Variants in KCNT1 observed in about 807,000 individuals in gnomAD.
The protein encoded by KCNT1 is potassium sodium-activated channel subfamily T member 1.
Under a neutral mutation model 147.8 loss-of-function variants are expected in KCNT1, and 78 were observed. The observed-to-expected ratio is 0.53, with a 90% confidence interval of 0.44 to 0.64. The LOEUF (loss-of-function observed/expected upper bound fraction) is 0.64. Among genes scored for constraint, KCNT1 ranks in the 30% least tolerant of loss-of-function variants. The pLI is 0.00. For synonymous variants in KCNT1, 867 were observed against 748.8 expected, an observed-to-expected ratio of 1.16 and a Z score of -2.58; for missense variants, 1,419 against 1,750.3, an observed-to-expected ratio of 0.81 and a Z score of 3.38.
At position 135,714,773 on chromosome 9, in the gene KCNT1, A is replaced by C. The variant is rs1207637058; in HGVS notation, c.254+53A>C. 4 of 1,167,068 alleles carry C rather than the reference A, an allele frequency of 3.4e-6. No homozygotes were observed. The East Asian group carries it at 1.7e-4, about 51-fold the overall frequency. The allele number at this position is 1,167,068 out of a possible 1,614,324, so 72.3% of individuals were successfully genotyped here. On this transcript the variant is annotated intron_variant, in intron 2 of 30. Transcript: ENST00000371757. The surrounding 1 kb of genome is among the most constrained non-coding windows in gnomAD (Gnocchi z 6.2). ...GGGGTCGCCGTCCCGGCGCCGCCGC[A>C]CGCCCGGAGCTGTCCGCGGTGCTGA... is the stretch of plus-strand genomic sequence containing the variant.
chr9:135,707,156 A>G (rs1835291378), intron 1 of KCNT1, among the ~76,000 whole-genome samples: 1 of 151,892 alleles, frequency 6.6e-6, no homozygotes, highest in African/African-American at 2.4e-5. Context: ...AAGATCAGAT[A>G]AGGCCCGGTG....
intron 22 of KCNT1, 87 bp from the exon 23 acceptor site, chr9:135,778,601 T>C (rs904585898): frequency 3.7e-6 from 6 of 1,602,054 alleles, no homozygotes; most frequent in Non-Finnish European, 5.1e-6. Flanking sequence ...GGGGCTGAGG[T>C]CCTCCTGCCT....
chr9:135,712,085 G>C (rs952070047), intron 1 of KCNT1, among the ~76,000 whole-genome samples: 16 of 152,202 alleles, frequency 1.1e-4, no homozygotes, highest in African/African-American at 3.6e-4. Context: ...TGGGCCTGCA[G>C]GGTGTGTGCT....
intron 2 of KCNT1, among the ~76,000 whole-genome samples, chr9:135,732,573 C>T (rs1193698647): frequency 1.3e-5 from 2 of 152,058 alleles, no homozygotes; most frequent in African/African-American, 2.4e-5. Flanking sequence ...TCTGTGGTCT[C>T]CCCCTCTGCC....
chr9:135,744,071 C>T (rs1450526345), intron 2 of KCNT1, among the ~76,000 whole-genome samples: 2 of 152,238 alleles, frequency 1.3e-5, no homozygotes, highest in Non-Finnish European at 2.9e-5. Flanking sequence ...CAGCCACTGC[C>T]AGAGAGAGGC....
At position 135,794,071 on chromosome 9, in the gene KCNT1, G is replaced by A. The variant is rs1392736098; in HGVS notation, c.*1910G>A. On this transcript the variant is annotated 3_prime_UTR_variant, in exon 31 of 31. Transcript: ENST00000371757. ...GGCTGCACAGCACCTGCAGGGAGGA[G>A]AAGGGAGAGAAAAGCCGGTCTGGCT... is the stretch of plus-strand genomic sequence containing the variant. 2.6e-5 allele frequency: 4 copies of A among 152,462 alleles called. No individual in the cohort carries two copies. Among genetic ancestry groups the A allele is most frequent in the African/African-American group, 9.6e-5 (4 of 41,478 alleles). The allele number at this position is 152,462 out of a possible 1,614,324, so 9.4% of individuals were successfully genotyped here.
In KCNT1 at chr9:135,775,971, AC is replaced by A. The variant is rs561761611; in HGVS notation, c.2349+558del. Among the ~76,000 whole-genome samples the A allele has an allele frequency of 5.9e-3, 881 of 150,484 alleles. 9 individuals carry two copies. Among genetic ancestry groups the A allele is most frequent in the African/African-American group, 0.02 (804 of 40,846 alleles). ...ACCTTAATATTTTTGCAGAGCAGGG[AC>A]CAGTGACCTGGTGGCAGGTGGGTCT... is the stretch of plus-strand genomic sequence containing the variant. On this transcript the variant is annotated intron_variant, in intron 20 of 30. Transcript: ENST00000371757.
intron 2 of KCNT1, among the ~76,000 whole-genome samples, chr9:135,731,941 A>G (rs1836449814): frequency 7.3e-6 from 1 of 137,430 alleles, no homozygotes. Flanking sequence ...ACATATCTAA[A>G]TACTTTTCAA....
In KCNT1 at chr9:135,765,803, CT is replaced by C. The variant is rs778115326; in HGVS notation, c.1337+44del. 13 of 1,527,744 alleles carry C rather than the reference CT, an allele frequency of 8.5e-6. No homozygotes were observed. The Admixed American group carries it at 2.3e-4, about 27-fold the overall frequency. The allele number at this position is 1,527,744 out of a possible 1,614,324, so 94.6% of individuals were successfully genotyped here. The stretch of plus-strand genomic sequence containing the variant: ...GAGGGGGTGGCATGGGGGCACCTTC[CT>C]GAGTCAGGTCGGCTGCTCAGGGCTG... On this transcript the variant is annotated intron_variant, in intron 13 of 30. Transcript: ENST00000371757.
chr9:135,729,277 A>G (rs1222128390), intron 2 of KCNT1, among the ~76,000 whole-genome samples: 2 of 152,226 alleles, frequency 1.3e-5, no homozygotes, highest in African/African-American at 2.4e-5. Context: ...AACTGAACAC[A>G]TCTGTACTTG....
intron 5 of KCNT1, among the ~76,000 whole-genome samples, chr9:135,754,809 G>C (rs752393867): frequency 6.6e-6 from 1 of 152,170 alleles, no homozygotes; most frequent in African/African-American, 2.4e-5. Flanking sequence ...GAGAAGCTTT[G>C]CCACCCTTGG....
intron 2 of KCNT1, among the ~76,000 whole-genome samples, chr9:135,728,514 C>A (rs1836308037): frequency 6.6e-6 from 1 of 152,356 alleles, no homozygotes; most frequent in East Asian, 1.9e-4. Flanking sequence ...TCAGGAGGCC[C>A]TGATTAGGTC....
chr9:135,721,147 G>A (rs1835907371), intron 2 of KCNT1, among the ~76,000 whole-genome samples: 1 of 152,138 alleles, frequency 6.6e-6, no homozygotes, highest in Non-Finnish European at 1.5e-5. Flanking sequence ...ACCCCCAGAA[G>A]GGGCTGAAGT....
At chr9:135,785,863 T>C (rs2131579786) in intron 28 of KCNT1, 1 of 454,616 alleles carries the variant, frequency 2.2e-6, no homozygotes, top group African/African-American at 2.0e-5. Context: ...TGTGCTGGGG[T>C]CCAGATGGGT....
intron 21 of KCNT1, among the ~76,000 whole-genome samples, chr9:135,777,912 C>CTCCTCCCTGCTCCCAGT (rs1833291467): frequency 1.3e-5 from 2 of 150,830 alleles, no homozygotes; most frequent in African/African-American, 2.5e-5. Flanking sequence ...TCACTCCCAG[C>CTCCTCCCTGCTCCCAGT]TCCTCCCTGC....
chr9:135,724,892 C>T (rs779651645), intron 2 of KCNT1, among the ~76,000 whole-genome samples: 4 of 152,226 alleles, frequency 2.6e-5, no homozygotes, highest in Non-Finnish European at 5.9e-5. Context: ...CCACTGGCTT[C>T]GAGGATGACC....
intron 1 of KCNT1, among the ~76,000 whole-genome samples, chr9:135,706,065 T>G (rs898430954): frequency 6.6e-6 from 1 of 152,132 alleles, no homozygotes; most frequent in East Asian, 1.9e-4. Context: ...GTCTGTGAGG[T>G]TGGTCCATCC....
At chr9:135,733,045 C>A (rs1830170056) in intron 2 of KCNT1, among the ~76,000 whole-genome samples, 1 of 151,984 alleles carries the variant, frequency 6.6e-6, no homozygotes, top group Non-Finnish European at 1.5e-5. Context: ...ACCGCCTGTA[C>A]CTCCTCTGTG....
Position 135,770,253 on chromosome 9 carries a change from C to T in KCNT1, c.1620-45C>T, listed in dbSNP as rs189780337. 8,375 of 1,551,364 alleles carry T rather than the reference C, an allele frequency of 5.4e-3. 69 individuals are homozygous for T. The highest frequency in any genetic ancestry group is 0.034 in the Admixed American group (1,824 of 54,432). Reference sequence around the variant, plus strand: ...AGACCCAGCCGGGGAGAAGGGGCAGCCATGGCCGAGGGTGACGCTCCCCTG... The same window carrying T: ...AGACCCAGCCGGGGAGAAGGGGCAGTCATGGCCGAGGGTGACGCTCCCCTG... On this transcript the variant is annotated intron_variant, in intron 16 of 30. Coordinates refer to ENST00000371757, the MANE Select transcript of KCNT1 (RefSeq NM_020822.3).
Sources: allele counts gnomAD v4.1 joint callset (sites outside exome capture counted in the v4.1 genomes callset), GRCh38; gene constraint gnomAD v4.1.1; non-coding constraint Gnocchi (gnomAD v3.1); transcripts MANE v1.5; gene names NCBI Gene and HGNC (gene_info 2026-07-23, HGNC 2026-07-21).